POU2F2: variants seen among roughly 807,000 people sequenced by gnomAD.
The protein encoded by POU2F2 is POU class 2 homeobox 2, also known as POU domain, class 2, transcription factor 2.
In POU2F2, 14 loss-of-function variants were observed where a neutral mutation model predicts 63.5. The ratio of observed to expected loss-of-function variants is 0.22; its 90% CI spans 0.15 to 0.34. The LOEUF is 0.34. POU2F2 is among the 10% of genes least tolerant of loss of function. The pLI is 1.00. For missense variants in POU2F2, 607 were observed against 815.2 expected (o/e 0.74, Z 3.11); for synonymous variants, 306 against 348.6 (o/e 0.88, Z 1.36).
chr19:42,139,059 G>A (rs2034075685), intron 2 of POU2F2, among the ~76,000 whole-genome samples: 1 of 152,172 alleles, frequency 6.6e-6, no homozygotes. Context: ...GCTCACACCT[G>A]TAATCCCAGC....
intron 7 of POU2F2, among the ~76,000 whole-genome samples, chr19:42,097,338 T>C (rs2076960014): frequency 6.6e-6 from 1 of 151,898 alleles, no homozygotes; most frequent in Non-Finnish European, 1.5e-5. Context: ...GCTGGGATTA[T>C]AGGCATACGC....
chr19:42,175,479 A>G (rs2034856311), intron 1 of POU2F2, among the ~76,000 whole-genome samples: 1 of 151,736 alleles, frequency 6.6e-6, no homozygotes, highest in Non-Finnish European at 1.5e-5. Flanking sequence ...GAAAGGGGGA[A>G]AGGGGGAAGG....
chr19:42,108,551 G>A (rs1038377469), intron 5 of POU2F2, among the ~76,000 whole-genome samples: 1 of 152,004 alleles, frequency 6.6e-6, no homozygotes, highest in Non-Finnish European at 1.5e-5. Flanking sequence ...CTCCAGCTTG[G>A]GTGACACAGA....
Position 42,095,840 on chromosome 19 carries a change from G to A in POU2F2, c.819C>T (p.Phe273=). 3 of 1,614,076 alleles carry A rather than the reference G, an allele frequency of 1.9e-6. No homozygotes were observed. The South Asian group carries it at 3.3e-5, about 18-fold the overall frequency. The change falls in exon 9 of 15, where the codon TTC becomes TTT. Residue 273 remains phenylalanine, a synonymous_variant. Transcript: ENST00000692977. The surrounding 1 kb of genome is among the most constrained non-coding windows in gnomAD (Gnocchi z 7.1). ...GGGGCTTGAGTTTGCACATGTTCTT[G>A]AAGCTCAGGTTGAGGGCCTCGAAGC... ...ISRFEALNLS[F]KNMCKLKPLL...
Position 42,087,020 on chromosome 19 carries a change from G to A in POU2F2, c.*4237C>T, listed in dbSNP as rs1241108111. On this transcript the variant is annotated 3_prime_UTR_variant, in exon 15 of 15. Coordinates refer to ENST00000692977, the MANE Select transcript of POU2F2 (RefSeq NM_001394376.1). ...TGCTTTGGAGACTGCTGAGGTCAAA[G>A]TTTAAACCGCATGAAGGACTTGCGG... 6.6e-6 allele frequency: 1 copy of A among 151,848 alleles called. No individual in the cohort carries two copies. Among genetic ancestry groups the A allele is most frequent in the Non-Finnish European group, 1.5e-5 (1 of 67,964 alleles). The allele number at this position is 151,848 out of a possible 1,614,324, so 9.4% of individuals were successfully genotyped here.
intron 1 of POU2F2, among the ~76,000 whole-genome samples, chr19:42,127,686 C>G (rs1041607342): frequency 6.6e-6 from 1 of 152,114 alleles, no homozygotes; most frequent in Admixed American, 6.5e-5. Flanking sequence ...CGGCCATAAG[C>G]TCTGTTTTCT....
At chr19:42,154,286 C>T (rs2034416381) in intron 2 of POU2F2, among the ~76,000 whole-genome samples, 2 of 151,046 alleles carry the variant, frequency 1.3e-5, no homozygotes, top group Middle Eastern at 3.2e-3. Context: ...AGAAAGAGAA[C>T]GGCAGAGTGA....
rs1360535715 is a variant in POU2F2 at position 42,195,752 on chromosome 19, G to C, written c.-70+631C>G. Among the ~76,000 whole-genome samples the C allele has an allele frequency of 7.1e-5, 5 of 70,622 alleles. No homozygotes were observed. The East Asian group carries it at 1.3e-3, about 18-fold the overall frequency. 46.3% of individuals were successfully genotyped at this position (70,622 alleles called of 152,430 possible). A position where few individuals can be genotyped will look rare whatever the true frequency, so the allele number is the denominator to read the frequency against. ...TCCCTCCCTCCCTTCCTCCCTTTCT[G>C]CCTTTCTTCCTCCCTCCCTCCCCTT... On this transcript the variant is annotated intron_variant, in intron 1 of 5. Transcript: ENST00000532176.
At chr19:42,098,490 C>T (rs1166283575) in intron 7 of POU2F2, among the ~76,000 whole-genome samples, 2 of 151,978 alleles carry the variant, frequency 1.3e-5, no homozygotes, top group Non-Finnish European at 2.9e-5. Flanking sequence ...GGCCCCCACC[C>T]CCACTAGGGT....
At chr19:42,159,618 C>T (rs924036265) in intron 2 of POU2F2, among the ~76,000 whole-genome samples, 2 of 152,174 alleles carry the variant, frequency 1.3e-5, no homozygotes, top group African/African-American at 4.8e-5. Flanking sequence ...ATGGCCAGAG[C>T]CCCTGCTTCC....
chr19:42,139,343 A>G (rs1180853750), intron 2 of POU2F2, among the ~76,000 whole-genome samples: 1 of 152,044 alleles, frequency 6.6e-6, no homozygotes, highest in African/African-American at 2.4e-5. Context: ...CAAATAAAAG[A>G]AGACCAACCA....
chr19:42,175,820 C>T (rs1272342750), intron 1 of POU2F2: 1 of 152,454 alleles, frequency 6.6e-6, no homozygotes, highest in Non-Finnish European at 1.5e-5. Context: ...CTCCTCCTGC[C>T]TGAGATGCCA....
chr19:42,166,644 G>A (rs1248987533), intron 1 of POU2F2, among the ~76,000 whole-genome samples: 1 of 152,114 alleles, frequency 6.6e-6, no homozygotes, highest in East Asian at 1.9e-4. Flanking sequence ...CAGGGGGTGA[G>A]CAGATCTGAC....
chr19:42,197,638 T>A (rs1252050953), upstream of POU2F2, among the ~76,000 whole-genome samples: 1 of 150,826 alleles, frequency 6.6e-6, no homozygotes, highest in Non-Finnish European at 1.5e-5. Context: ...ACATGAGGGG[T>A]GGGGGAAGGG....
intron 1 of POU2F2, among the ~76,000 whole-genome samples, chr19:42,167,508 A>G (rs2034677420): frequency 6.6e-6 from 1 of 152,134 alleles, no homozygotes; most frequent in Non-Finnish European, 1.5e-5. Context: ...GGAAAAGCCT[A>G]TCAGAGAAGG....
chr19:42,164,953 C>CAA (rs34319750), intron 1 of POU2F2, among the ~76,000 whole-genome samples: 12 of 120,378 alleles, frequency 1.0e-4, no homozygotes, highest in Non-Finnish European at 2.0e-4. Flanking sequence ...CAGGCTATCT[C>CAA]AAAAAAAAAA....
chr19:42,111,068 T>C (rs2031005123), intron 5 of POU2F2, among the ~76,000 whole-genome samples: 1 of 152,192 alleles, frequency 6.6e-6, no homozygotes, highest in Non-Finnish European at 1.5e-5. Flanking sequence ...CCAATCTGGC[T>C]GAGTCCTTCC....
rs1188602711 is a variant in POU2F2, at chr19:42,095,306, C to A, written c.1177G>T (p.Ala393Ser). Residue 393 changes from alanine to serine, a missense_variant, in exon 11 of 15, where the codon GCC (alanine) becomes TCC (serine). Ala to Ser is a moderately conservative substitution (Grantham distance 99). Coordinates refer to ENST00000692977, the MANE Select transcript of POU2F2 (RefSeq NM_001394376.1). The surrounding 1 kb of genome is among the most constrained non-coding windows in gnomAD (Gnocchi z 7.1). ...APMLPSPGKPASYSPHMVTPQ... is the reference protein window; with the variant it reads ...APMLPSPGKPSSYSPHMVTPQ... ...GGTACCATATGGGGGCTGTAGCTGG[C>A]CGGCTTCCCTGGGCTGGGCAGCATG... 5 of 1,613,452 alleles carry A rather than the reference C, an allele frequency of 3.1e-6. No individual in the cohort carries two copies. The Admixed American group carries it at 8.3e-5, about 27-fold the overall frequency.
chr19:42,170,461 G>C (rs1270011471), intron 1 of POU2F2, among the ~76,000 whole-genome samples: 1 of 150,248 alleles, frequency 6.7e-6, no homozygotes, highest in Admixed American at 6.6e-5. Flanking sequence ...AGAGTGCATA[G>C]TGTCTCACAG....
Sources: gnomAD v4.1 joint callset for allele counts (sites outside exome capture counted in the v4.1 genomes callset) on GRCh38, gnomAD v4.1.1 for gene constraint, Gnocchi (gnomAD v3.1) non-coding constraint, MANE v1.5 for transcripts, NCBI Gene and HGNC (gene_info 2026-07-23, HGNC 2026-07-21) for gene names.